The following PRKCQ variants were observed in gnomAD, a reference collection of about 807,000 sequenced individuals.
PRKCQ encodes the protein protein kinase C theta type.
In PRKCQ, 41 loss-of-function variants were observed where a neutral mutation model predicts 91.2. The observed-to-expected ratio is 0.45, with a 90% CI of 0.35 to 0.58. The LOEUF (loss-of-function observed/expected upper bound fraction) is 0.58. PRKCQ is among the 20% of genes least tolerant of loss of function. The pLI, the probability that PRKCQ is intolerant of heterozygous loss-of-function variation, is 0.00. For missense variants in PRKCQ, 673 were observed against 896.5 expected, an observed-to-expected ratio of 0.75 and a Z score of 3.18; for synonymous variants, 307 against 316.9, an observed-to-expected ratio of 0.97 and a Z score of 0.33.
At chr10:6,397,372 G>T in the PRKCQ span, among the ~76,000 whole-genome samples, 1 of 151,910 alleles carries the variant, frequency 6.6e-6, no homozygotes, top group East Asian at 2.0e-4. Context: ...GAGATTACAG[G>T]CATGAGCCAC....
At chr10:6,523,048 A>C (rs978732504) in intron 1 of PRKCQ, among the ~76,000 whole-genome samples, 3 of 152,206 alleles carry the variant, frequency 2.0e-5, no homozygotes, top group Non-Finnish European at 1.5e-5. Context: ...AAAAAATCAC[A>C]TAGTTGGGTA....
chr10:6,431,770 G>A (rs1273669704), intron 16 of PRKCQ, among the ~76,000 whole-genome samples: 2 of 152,232 alleles, frequency 1.3e-5, no homozygotes, highest in South Asian at 4.1e-4. Flanking sequence ...CAAGGCATCT[G>A]AGTGAAGAGA....
chr10:6,453,005 A>G lies in PRKCQ; in HGVS notation c.1647+3669T>C, dbSNP rs1444326096. The stretch of plus-strand genomic sequence containing the variant: ...ACCTAGGCATTACCATTCAGGACAT[A>G]GGCATGGGCAAGGACTTCATGTCTA... On this transcript the variant is annotated intron_variant, in intron 15 of 17. Coordinates refer to ENST00000263125, the MANE Select transcript of PRKCQ (RefSeq NM_006257.5). Among the ~76,000 whole-genome samples the G allele has an allele frequency of 2.0e-5, 3 of 151,820 alleles. No homozygotes were observed. In the East Asian group the frequency reaches 5.8e-4, roughly 29 times the overall value.
At chr10:6,419,886 G>A in the PRKCQ span, among the ~76,000 whole-genome samples, 1 of 151,620 alleles carries the variant, frequency 6.6e-6, no homozygotes, top group African/African-American at 2.4e-5. Flanking sequence ...ACGGGGTTTC[G>A]CCATGTTGGC....
the PRKCQ span, among the ~76,000 whole-genome samples, chr10:6,398,683 G>C: frequency 6.6e-6 from 1 of 152,158 alleles, no homozygotes; most frequent in Non-Finnish European, 1.5e-5. Context: ...AGACACAATT[G>C]CTTTCAGGAT....
intron 15 of PRKCQ, among the ~76,000 whole-genome samples, chr10:6,453,917 G>T (rs1296466218): frequency 1.3e-5 from 2 of 151,094 alleles, no homozygotes; most frequent in African/African-American, 4.9e-5. Context: ...TCTGGGGACT[G>T]TTGTGGGGTG....
At chr10:6,523,655 T>C (rs866314059) in intron 1 of PRKCQ, among the ~76,000 whole-genome samples, 1 of 152,086 alleles carries the variant, frequency 6.6e-6, no homozygotes, top group Admixed American at 6.5e-5. Context: ...AAACCAACAA[T>C]AGTGTTGAAG....
intron 1 of PRKCQ, among the ~76,000 whole-genome samples, chr10:6,523,378 G>C (rs1839087327): frequency 6.6e-6 from 1 of 152,132 alleles, no homozygotes; most frequent in Non-Finnish European, 1.5e-5. Flanking sequence ...TTGAGCCCAG[G>C]ATGTCGAGGC....
chr10:6,410,523 A>G, the PRKCQ span, among the ~76,000 whole-genome samples: 4 of 152,328 alleles, frequency 2.6e-5, no homozygotes, highest in African/African-American at 9.6e-5. Flanking sequence ...AAACAATGAC[A>G]TCACCCAGGG....
intron 1 of PRKCQ, among the ~76,000 whole-genome samples, chr10:6,542,997 C>G (rs1258588856): frequency 1.3e-5 from 2 of 152,208 alleles, no homozygotes; most frequent in Non-Finnish European, 2.9e-5. Context: ...CCATCACGTC[C>G]TTTCCCTGCG....
At chr10:6,444,159 C>T (rs1016682250) in intron 15 of PRKCQ, among the ~76,000 whole-genome samples, 2 of 152,196 alleles carry the variant, frequency 1.3e-5, no homozygotes, top group Non-Finnish European at 2.9e-5. Flanking sequence ...CAACCTCTGC[C>T]TCCTGGGTTC....
At chr10:6,517,410 A>G (rs1230681048) in intron 1 of PRKCQ, among the ~76,000 whole-genome samples, 1 of 151,302 alleles carries the variant, frequency 6.6e-6, no homozygotes, top group African/African-American at 2.4e-5. Flanking sequence ...TTAAGTTAAC[A>G]TTTTACTATA....
rs114325965 is a variant in PRKCQ, at chr10:6,471,404, T to C, written c.1354-7000A>G. On this transcript the variant is annotated intron_variant, in intron 12 of 17. Transcript: ENST00000263125. ...AATGACAAGTAGGATTTAGTGTATCTGAGCGTGATTTATAGAGTAGGTAGT... is the reference window on the plus strand; with the variant it reads ...AATGACAAGTAGGATTTAGTGTATCCGAGCGTGATTTATAGAGTAGGTAGT... 8.4e-3 allele frequency among the ~76,000 whole-genome samples: 1,272 copies of C among 152,302 alleles called. 11 individuals are homozygous for C. Among genetic ancestry groups the C allele is most frequent in the African/African-American group, 0.029 (1,214 of 41,560 alleles).
At chr10:6,473,980 C>G (rs1836133340) in intron 12 of PRKCQ, among the ~76,000 whole-genome samples, 1 of 152,010 alleles carries the variant, frequency 6.6e-6, no homozygotes, top group Non-Finnish European at 1.5e-5. Context: ...TCACGTTATC[C>G]TTAGGAAGCA....
At chr10:6,537,768 C>G (rs1040792834) in intron 1 of PRKCQ, among the ~76,000 whole-genome samples, 1 of 152,164 alleles carries the variant, frequency 6.6e-6, no homozygotes, top group Non-Finnish European at 1.5e-5. Context: ...CTCAAAGACA[C>G]TTTCATCTCA....
the PRKCQ span, among the ~76,000 whole-genome samples, chr10:6,418,338 G>C: frequency 6.6e-6 from 1 of 152,304 alleles, no homozygotes; most frequent in African/African-American, 2.4e-5. Flanking sequence ...TGATAGGCAG[G>C]GCTTAGGACA....
Position 6,432,005 on chromosome 10 carries a change from G to A in PRKCQ, c.1837-1067C>T, listed in dbSNP as rs117191477. ...ACCTGTCAAGGGCATTAAGAAACAG[G>A]AGAGTCTAAACATTAACTTAGAAAA... On this transcript the variant is annotated intron_variant, in intron 16 of 17. Coordinates refer to ENST00000263125, the MANE Select transcript of PRKCQ (RefSeq NM_006257.5). 8.7e-3 allele frequency among the ~76,000 whole-genome samples: 1,322 copies of A among 152,306 alleles called. 11 individuals are homozygous for A. The highest frequency in any genetic ancestry group is 0.02 in the Middle Eastern group (6 of 294).
the PRKCQ span, among the ~76,000 whole-genome samples, chr10:6,419,724 T>G: frequency 6.7e-6 from 1 of 148,802 alleles, no homozygotes; most frequent in African/African-American, 2.5e-5. Context: ...AGTCTTGTTC[T>G]GTCACCCAGG....
chr10:6,467,335 C>CAGAG (rs1173010895), intron 12 of PRKCQ, among the ~76,000 whole-genome samples: 22 of 103,384 alleles, frequency 2.1e-4, no homozygotes, highest in Admixed American at 5.4e-4. Context: ...GAGAGACAGA[C>CAGAG]AGAGAGAGAG....
Sources: gnomAD v4.1 joint callset for allele counts (sites outside exome capture counted in the v4.1 genomes callset) on GRCh38, gnomAD v4.1.1 for gene constraint, MANE v1.5 for transcripts, NCBI Gene and HGNC (gene_info 2026-07-23, HGNC 2026-07-21) for gene names.